TEX101: variants seen among roughly 807,000 people sequenced by gnomAD.
The protein encoded by TEX101 is testis expressed 101.
A neutral mutation model predicts 18.1 loss-of-function variants in TEX101; 10 were observed. That is an observed-to-expected ratio of 0.55 (90% CI 0.34 to 0.94). TEX101 has a LOEUF of 0.94. Ranked by LOEUF, TEX101 falls within the 40% of genes least tolerant of loss-of-function variation. The pLI is 0.02. For synonymous variants in TEX101, 94 were observed against 114.8 expected, an observed-to-expected ratio of 0.82 and a Z score of 1.16; for missense variants, 259 against 298.9, an observed-to-expected ratio of 0.87 and a Z score of 0.98.
rs1375999168 is a variant in TEX101 at position 43,418,151 on chromosome 19, C to A, written c.521-17C>A. Reference sequence around the variant, plus strand: ...CTAAAACATCTCTGTCTCTCCCGATCCTTCCTTGTTCTATAGGTGGCATTG... The same window carrying A: ...CTAAAACATCTCTGTCTCTCCCGATACTTCCTTGTTCTATAGGTGGCATTG... On this transcript the variant is annotated splice_polypyrimidine_tract_variant and intron_variant, in intron 5 of 5. Transcript: ENST00000598265. 1.2e-6 allele frequency: 2 copies of A among 1,613,684 alleles called. No homozygotes were observed. Among genetic ancestry groups the A allele is most frequent in the Admixed American group, 3.3e-5 (2 of 60,004 alleles).
chr19:43,391,506 T>A, the TEX101 span, among the ~76,000 whole-genome samples: 4 of 151,710 alleles, frequency 2.6e-5, no homozygotes, highest in Non-Finnish European at 5.9e-5. Flanking sequence ...TGATTAGTGA[T>A]GTTGAGCATC....
rs149149646 is a variant in TEX101 at position 43,416,140 on chromosome 19, G to A, written c.106G>A (p.Val36Met). 41 of 1,613,796 alleles carry A rather than the reference G, an allele frequency of 2.5e-5. No homozygotes were observed. Among genetic ancestry groups the A allele is most frequent in the Admixed American group, 6.7e-5 (4 of 59,932 alleles). ...TTGTCAAAAGGGTCTGTCCATGACTGTGGAAGCAGATCCAGCCAATATGTT... is the reference window on the plus strand; with the variant it reads ...TTGTCAAAAGGGTCTGTCCATGACTATGGAAGCAGATCCAGCCAATATGTT... ...LYCQKGLSMT[V>M]EADPANMFNW... Residue 36 changes from valine to methionine, a missense_variant, in exon 3 of 6, where the codon GTG (valine) becomes ATG (methionine). Transcript: ENST00000598265.
intron 3 of TEX101, among the ~76,000 whole-genome samples, chr19:43,408,849 A>ACTT (rs1970394380): frequency 6.6e-6 from 1 of 152,146 alleles, no homozygotes; most frequent in Non-Finnish European, 1.5e-5. Context: ...CACATGGGAA[A>ACTT]CTTCTCAAGC....
At chr19:43,388,840 G>T in the TEX101 span, among the ~76,000 whole-genome samples, 3 of 152,156 alleles carry the variant, frequency 2.0e-5, no homozygotes, top group African/African-American at 7.2e-5. Context: ...TGTGAGGGGG[G>T]TTTCTGGGCT....
chr19:43,416,584 T>G (rs768442703), intron 4 of TEX101, 29 bp downstream of exon 4: 6 of 1,596,958 alleles, frequency 3.8e-6, no homozygotes, highest in African/African-American at 1.3e-5. Context: ...AGATAGGTAC[T>G]AAGAGAAACT....
chr19:43,415,072 T>G, intron 1 of TEX101, 34 bp downstream of exon 1: 1 of 985,264 alleles, frequency 1.0e-6, no homozygotes, highest in Non-Finnish European at 1.2e-6. Context: ...ATCCTGGCTC[T>G]GAGGGGAACG....
upstream of TEX101, among the ~76,000 whole-genome samples, chr19:43,397,909 AAAATATATATTATATAT>A (rs1970284352): frequency 3.0e-5 from 1 of 33,868 alleles, no homozygotes; most frequent in South Asian, 6.8e-4. Context: ...ATAATATATA[AAAATATATATTATATAT>A]AAATATATAA....
At chr19:43,408,910 G>C (rs1285720721) in intron 3 of TEX101, among the ~76,000 whole-genome samples, 1 of 152,196 alleles carries the variant, frequency 6.6e-6, no homozygotes, top group East Asian at 1.9e-4. Flanking sequence ...TGGACACCTG[G>C]AAATTCTCAT....
At chr19:43,397,447 C>T (rs888806783), upstream of TEX101, among the ~76,000 whole-genome samples, 2 of 141,446 alleles carry the variant, frequency 1.4e-5, no homozygotes. Flanking sequence ...TACTTTCTTA[C>T]ACATCATCCT....
At position 43,416,451 on chromosome 19, in the gene TEX101, C is replaced by T; in HGVS notation, c.287C>T (p.Ser96Leu). The change falls in exon 4 of 6, where the codon TCA becomes TTA. Residue 96 changes from serine to leucine, a missense_variant. Physicochemically the swap from Ser to Leu is moderately radical, Grantham distance 145. Transcript: ENST00000598265. ...EEAITIVQHS[S>L]PPGLIVTSYS... ...GCCATAACAATTGTCCAGCACTCTTCACCTCCCGGCCTGATCGTGACCTCC... is the reference window on the plus strand; with the variant it reads ...GCCATAACAATTGTCCAGCACTCTTTACCTCCCGGCCTGATCGTGACCTCC... 3 of 1,614,208 alleles carry T rather than the reference C, an allele frequency of 1.9e-6. No homozygotes were observed. Among genetic ancestry groups the T allele is most frequent in the Non-Finnish European group, 2.5e-6 (3 of 1,180,032 alleles).
chr19:43,400,240 T>A (rs1219070229), upstream of TEX101, among the ~76,000 whole-genome samples: 1 of 151,972 alleles, frequency 6.6e-6, no homozygotes, highest in Non-Finnish European at 1.5e-5. Context: ...CTCCAAGGAG[T>A]CTTGGAGAAG....
intron 4 of TEX101, 128 bp from the exon 5 acceptor site, chr19:43,417,750 G>A: frequency 8.4e-7 from 1 of 1,190,056 alleles, no homozygotes; most frequent in Non-Finnish European, 1.2e-6. Context: ...GGAAGGATGG[G>A]GAGGCTGAAG....
chr19:43,389,356 C>T, the TEX101 span, among the ~76,000 whole-genome samples: 16 of 152,354 alleles, frequency 1.1e-4, no homozygotes, highest in African/African-American at 3.6e-4. Flanking sequence ...CACCAGGAAG[C>T]AGAGGGTGCA....
At chr19:43,389,386 GT>G in the TEX101 span, among the ~76,000 whole-genome samples, 1 of 152,204 alleles carries the variant, frequency 6.6e-6, no homozygotes, top group Non-Finnish European at 1.5e-5. Context: ...TTTGCTTTTT[GT>G]TTTTGTTTTA....
Position 43,416,403 on chromosome 19 carries a change from GCT to G in TEX101, c.240_241del (p.Cys81HisfsTer26), listed in dbSNP as rs764658038. 6.2e-7 allele frequency: 1 copy of G among 1,614,082 alleles called. No homozygotes were observed. Among genetic ancestry groups the G allele is most frequent in the Admixed American group, 1.7e-5 (1 of 59,998 alleles). Reference sequence around the variant, plus strand: ...GAGACAGCCATTTTGGCCACGAAGGGCTGCATCCCGGAAGGGGAGGAGGCCAT... The same window carrying G: ...GAGACAGCCATTTTGGCCACGAAGGGGCATCCCGGAAGGGGAGGAGGCCAT... On this transcript the variant is annotated frameshift_variant, in exon 4 of 6. Coordinates refer to ENST00000598265, the MANE Select transcript of TEX101 (RefSeq NM_001130011.3). LOFTEE classifies it high-confidence loss of function.
At chr19:43,411,634 C>CT (rs1046978286), upstream of TEX101, among the ~76,000 whole-genome samples, 2 of 151,476 alleles carry the variant, frequency 1.3e-5, no homozygotes, top group South Asian at 2.1e-4. Context: ...TCCTCATTTT[C>CT]TTTTTTTTCT....
At chr19:43,415,105 G>A in intron 1 of TEX101, 67 bp downstream of exon 1, 2 of 957,974 alleles carry the variant, frequency 2.1e-6, no homozygotes, top group Non-Finnish European at 1.2e-6. Flanking sequence ...CTGGGCTCCC[G>A]GGCCTGAGAG....
At chr19:43,400,403 T>C (rs926073426), upstream of TEX101, among the ~76,000 whole-genome samples, 3 of 152,384 alleles carry the variant, frequency 2.0e-5, no homozygotes, top group Admixed American at 2.0e-4. Flanking sequence ...CCCATGCAAA[T>C]GAAAGATTCT....
At chr19:43,416,326 A>G (rs950751610) in intron 3 of TEX101, 47 bp from the exon 4 acceptor site, 1 of 1,591,158 alleles carries the variant, frequency 6.3e-7, no homozygotes, top group Non-Finnish European at 8.6e-7. Context: ...GTCCAGGCCA[A>G]TTGTGACGGC....
Sources: allele counts gnomAD v4.1 joint callset (sites outside exome capture counted in the v4.1 genomes callset), GRCh38; gene constraint gnomAD v4.1.1; transcripts MANE v1.5; gene names NCBI Gene and HGNC (gene_info 2026-07-23, HGNC 2026-07-21).